Variants in RAPGEF4 observed in about 807,000 individuals in gnomAD.
The protein encoded by RAPGEF4 is RAP guanine-nucleotide-exchange factor (GEF) 4.
A neutral mutation model predicts 147.9 loss-of-function variants in RAPGEF4; 66 were observed. That is an observed-to-expected ratio of 0.45 (90% CI 0.37 to 0.55). The LOEUF is 0.55. RAPGEF4 is among the 20% of genes least tolerant of loss of function. The probability of loss-of-function intolerance (pLI) is 0.00; values close to 1 mark genes in which losing one functional copy is unlikely to be tolerated. For synonymous variants in RAPGEF4, 419 were observed against 442.7 expected, an observed-to-expected ratio of 0.95 and a Z score of 0.67; for missense variants, 1,071 against 1,257.3, an observed-to-expected ratio of 0.85 and a Z score of 2.24.
intron 10 of RAPGEF4, among the ~76,000 whole-genome samples, chr2:172,975,467 A>G (rs1402277675): frequency 6.6e-6 from 1 of 152,208 alleles, no homozygotes; most frequent in East Asian, 1.9e-4. Context: ...TGCCTTTCTC[A>G]ACATCACACA....
intron 4 of RAPGEF4, among the ~76,000 whole-genome samples, chr2:172,914,372 T>C (rs1265218302): frequency 8.2e-6 from 1 of 121,854 alleles, no homozygotes. Context: ...TTTCACTCAG[T>C]TGCCCAGGTT....
At position 173,017,771 on chromosome 2, in the gene RAPGEF4, C is replaced by A. The variant is rs1387455527; in HGVS notation, c.2008+267C>A. ...GGAGGAAATGAAGATGATCTCAGGG[C>A]CTGGTTGTCAGGATTGCCCACCCCT... is the stretch of plus-strand genomic sequence containing the variant. On this transcript the variant is annotated intron_variant, in intron 21 of 30. Transcript: ENST00000397081. Among the ~76,000 whole-genome samples the A allele has an allele frequency of 3.3e-5, 5 of 152,232 alleles. No homozygotes were observed. In the East Asian group the frequency reaches 9.7e-4, roughly 29 times the overall value.
chr2:173,043,354 G>A (rs1685000962), intron 29 of RAPGEF4, among the ~76,000 whole-genome samples: 1 of 152,182 alleles, frequency 6.6e-6, no homozygotes, highest in African/African-American at 2.4e-5. Flanking sequence ...ACTGTTGAGG[G>A]CAGGCATTTA....
chr2:172,932,108 G>A (rs1005603819), intron 6 of RAPGEF4, among the ~76,000 whole-genome samples: 1 of 151,840 alleles, frequency 6.6e-6, no homozygotes, highest in Admixed American at 6.6e-5. Context: ...GGTCATTCCG[G>A]TGTTCATGCA....
chr2:173,030,328 A>G, intron 26 of RAPGEF4, 74 bp downstream of exon 26: 1 of 1,166,794 alleles, frequency 8.6e-7, no homozygotes, highest in Middle Eastern at 1.9e-4. Flanking sequence ...TGAGCTTTTT[A>G]ATAGAAATAT....
intron 23 of RAPGEF4, among the ~76,000 whole-genome samples, chr2:173,024,547 T>C (rs1696472304): frequency 6.6e-6 from 1 of 152,170 alleles, no homozygotes; most frequent in Admixed American, 6.5e-5. Flanking sequence ...GTGAACTGAT[T>C]TGGGGGAGGG....
intron 16 of RAPGEF4, among the ~76,000 whole-genome samples, chr2:173,001,019 G>A (rs1693863108): frequency 6.6e-6 from 1 of 152,094 alleles, no homozygotes; most frequent in African/African-American, 2.4e-5. Context: ...AAGGTACCCA[G>A]TGCCGTTTGT....
intron 1 of RAPGEF4, among the ~76,000 whole-genome samples, chr2:172,784,531 G>C (rs887533083): frequency 7.0e-6 from 1 of 142,622 alleles, no homozygotes; most frequent in Middle Eastern, 3.8e-3. Context: ...AAAAAAAAAA[G>C]ATCCCTGAAA....
chr2:172,923,955 T>C (rs559907545), intron 6 of RAPGEF4, among the ~76,000 whole-genome samples: 1 of 152,318 alleles, frequency 6.6e-6, no homozygotes, highest in African/African-American at 2.4e-5. Context: ...TTGCTATTGA[T>C]ATTTAAAAAA....
chr2:173,025,510 T>G (rs1696576293), intron 23 of RAPGEF4, among the ~76,000 whole-genome samples: 1 of 152,244 alleles, frequency 6.6e-6, no homozygotes, highest in African/African-American at 2.4e-5. Context: ...TGGCACGATC[T>G]CGGCTCACTG....
At chr2:172,798,948 GTGCT>G (rs1345466867) in intron 3 of RAPGEF4, among the ~76,000 whole-genome samples, 2 of 152,190 alleles carry the variant, frequency 1.3e-5, no homozygotes, top group Non-Finnish European at 2.9e-5. Context: ...CCTGGAACCT[GTGCT>G]TCCCAACTTT....
chr2:172,854,501 A>G (rs903313401), intron 4 of RAPGEF4, among the ~76,000 whole-genome samples: 9 of 151,980 alleles, frequency 5.9e-5, no homozygotes, highest in African/African-American at 1.2e-4. Context: ...CATATAGATG[A>G]ATTTTGCTTT....
At chr2:172,814,554 C>CA in intron 4 of RAPGEF4, 129 bp downstream of exon 4, 6 of 1,202,834 alleles carry the variant, frequency 5.0e-6, no homozygotes, top group Non-Finnish European at 7.1e-6. Context: ...ATTTAATTTT[C>CA]AAAACTTGTT....
At chr2:172,809,924 A>T (rs756861912) in intron 3 of RAPGEF4, among the ~76,000 whole-genome samples, 5 of 152,188 alleles carry the variant, frequency 3.3e-5, no homozygotes, top group Admixed American at 3.3e-4. Flanking sequence ...GATCAAGTGG[A>T]TCTCAATATT....
chr2:172,974,493 G>A (rs756704598), intron 10 of RAPGEF4, among the ~76,000 whole-genome samples: 3 of 152,048 alleles, frequency 2.0e-5, no homozygotes, highest in Non-Finnish European at 2.9e-5. Flanking sequence ...AGACCAGCCC[G>A]GGCAACATGG....
intron 4 of RAPGEF4, among the ~76,000 whole-genome samples, chr2:172,817,022 G>T (rs975339112): frequency 2.0e-5 from 3 of 152,166 alleles, no homozygotes; most frequent in African/African-American, 7.2e-5. Context: ...TGCAGTACAT[G>T]ATAATCCTAA....
chr2:172,786,548 G>A (rs1310760392), intron 1 of RAPGEF4, among the ~76,000 whole-genome samples: 1 of 152,086 alleles, frequency 6.6e-6, no homozygotes, highest in Non-Finnish European at 1.5e-5. Flanking sequence ...AATTTCTCTG[G>A]TGTCTACGTC....
At chr2:172,870,651 G>C (rs778984524) in intron 4 of RAPGEF4, among the ~76,000 whole-genome samples, 22 of 152,090 alleles carry the variant, frequency 1.4e-4, no homozygotes, top group Non-Finnish European at 2.5e-4. Context: ...CAGTCACGGT[G>C]GGATGTTTCA....
intron 22 of RAPGEF4, among the ~76,000 whole-genome samples, chr2:173,019,126 A>G (rs1289638607): frequency 6.6e-6 from 1 of 152,216 alleles, no homozygotes; most frequent in East Asian, 1.9e-4. Flanking sequence ...GGGCCCCAAG[A>G]GGAAATCTAG....
Sources: allele counts gnomAD v4.1 joint callset (sites outside exome capture counted in the v4.1 genomes callset), GRCh38; gene constraint gnomAD v4.1.1; transcripts MANE v1.5; gene names NCBI Gene and HGNC (gene_info 2026-07-23, HGNC 2026-07-21).